The following IL1RAPL2 variants were observed in gnomAD, a reference collection of about 807,000 sequenced individuals.
IL1RAPL2 encodes interleukin 1 receptor accessory protein like 2.
A neutral mutation model predicts 44.1 loss-of-function variants in IL1RAPL2; 3 were observed. The observed-to-expected ratio is 0.07, with a 90% CI of 0.03 to 0.18. IL1RAPL2 has a LOEUF of 0.18. Ranked by LOEUF, IL1RAPL2 falls within the 10% of genes least tolerant of loss-of-function variation. The pLI is 1.00. For synonymous variants in IL1RAPL2, 181 were observed against 178.8 expected (o/e 1.01, Z -0.10); for missense variants, 391 against 496.4 (o/e 0.79, Z 2.02).
chrX:105,368,251 G>C (rs945389358), intron 5 of IL1RAPL2, among the ~76,000 whole-genome samples: 1 of 111,191 alleles, frequency 9.0e-6, no homozygotes, highest in African/African-American at 3.3e-5. Flanking sequence ...CTTGCATCCT[G>C]TCTTGCCATA....
At chrX:105,272,650 T>A (rs957979428) in intron 5 of IL1RAPL2, among the ~76,000 whole-genome samples, 6 of 112,700 alleles carry the variant, frequency 5.3e-5, no homozygotes, top group Admixed American at 1.9e-4. Context: ...GCTGCTAGAT[T>A]ACTATTCAGC....
intron 2 of IL1RAPL2, among the ~76,000 whole-genome samples, chrX:104,712,446 T>C (rs1023440405): frequency 2.7e-5 from 3 of 110,684 alleles, no homozygotes; most frequent in African/African-American, 9.8e-5. Flanking sequence ...TCATTTCTGC[T>C]GCTTGGCATG....
chrX:105,422,014 T>A (rs187936004), intron 5 of IL1RAPL2, among the ~76,000 whole-genome samples: 6 of 112,473 alleles, frequency 5.3e-5, no homozygotes. Flanking sequence ...TTTAAACATA[T>A]TTTTTCTCTC....
chrX:105,204,012 A>T (rs2033739460), intron 3 of IL1RAPL2, among the ~76,000 whole-genome samples: 1 of 112,085 alleles, frequency 8.9e-6, no homozygotes, highest in African/African-American at 3.2e-5. Context: ...CATTGAACTC[A>T]GTTCTCATAC....
intron 5 of IL1RAPL2, among the ~76,000 whole-genome samples, chrX:105,283,291 A>G (rs377311253): frequency 1.8e-5 from 2 of 111,723 alleles, no homozygotes; most frequent in African/African-American, 6.5e-5. Context: ...ATATTGCAAT[A>G]TATCATTATA....
At chrX:105,458,145 C>A (rs906116394) in intron 5 of IL1RAPL2, among the ~76,000 whole-genome samples, 7 of 111,102 alleles carry the variant, frequency 6.3e-5, no homozygotes, top group Non-Finnish European at 1.9e-5. Flanking sequence ...TATCGAATTT[C>A]TTTGCCCATC....
intron 7 of IL1RAPL2, among the ~76,000 whole-genome samples, chrX:105,720,001 G>T (rs1160672160): frequency 9.0e-6 from 1 of 110,918 alleles, no homozygotes; most frequent in Admixed American, 9.6e-5. Flanking sequence ...AGACCTTAAG[G>T]GTCACTTTTC....
intron 2 of IL1RAPL2, among the ~76,000 whole-genome samples, chrX:105,031,730 C>T (rs750502151): frequency 9.0e-6 from 1 of 111,720 alleles, no homozygotes; most frequent in African/African-American, 3.3e-5. Flanking sequence ...CTCTGCCAGG[C>T]TTTGGTATCA....
intron 2 of IL1RAPL2, among the ~76,000 whole-genome samples, chrX:104,864,990 C>T (rs190648803): frequency 9.0e-6 from 1 of 111,329 alleles, no homozygotes; most frequent in African/African-American, 3.3e-5. Context: ...GATGCCTAGA[C>T]TCATCCTGTG....
At chrX:105,570,070 C>T (rs1165258138) in intron 6 of IL1RAPL2, among the ~76,000 whole-genome samples, 3 of 111,226 alleles carry the variant, frequency 2.7e-5, no homozygotes, top group Non-Finnish European at 5.7e-5. Flanking sequence ...TACCCTTCAC[C>T]TGAGCAGTGT....
chrX:104,918,947 A>G lies in IL1RAPL2; in HGVS notation c.82+259952A>G, dbSNP rs978462521. ...CACCTTTACAAAACTTTAGGGATTTAATGAATATGGTTTGAAAAGAACCAA... is the reference window on the plus strand; with the variant it reads ...CACCTTTACAAAACTTTAGGGATTTGATGAATATGGTTTGAAAAGAACCAA... On this transcript the variant is annotated intron_variant, in intron 2 of 10. Coordinates refer to ENST00000372582, the MANE Select transcript of IL1RAPL2 (RefSeq NM_017416.2). 6.3e-5 allele frequency among the ~76,000 whole-genome samples: 7 copies of G among 111,998 alleles called. No individual in the cohort carries two copies. In the East Asian group the frequency reaches 1.4e-3, roughly 22 times the overall value.
intron 1 of IL1RAPL2, among the ~76,000 whole-genome samples, chrX:104,605,938 A>G (rs1929000262): frequency 8.9e-6 from 1 of 112,102 alleles, no homozygotes; most frequent in Non-Finnish European, 1.9e-5. Context: ...CAATCAATAG[A>G]AAAAGAGGGA....
At chrX:104,844,756 T>C (rs1055610686) in intron 2 of IL1RAPL2, among the ~76,000 whole-genome samples, 2 of 111,906 alleles carry the variant, frequency 1.8e-5, no homozygotes, top group African/African-American at 6.5e-5. Context: ...TAAAACTTTT[T>C]CCAAATGAAA....
chrX:104,953,140 G>A (rs1925629944), intron 2 of IL1RAPL2, among the ~76,000 whole-genome samples: 1 of 111,445 alleles, frequency 9.0e-6, no homozygotes, highest in Admixed American at 9.6e-5. Flanking sequence ...TGGCTACCAC[G>A]TTGAAAGGTT....
At chrX:105,157,700 C>T (rs1383522381) in intron 2 of IL1RAPL2, among the ~76,000 whole-genome samples, 1 of 112,000 alleles carries the variant, frequency 8.9e-6, no homozygotes, top group Non-Finnish European at 1.9e-5. Context: ...CTCTGAATTG[C>T]ACCTAATACA....
chrX:104,796,769 T>G (rs1179632301), intron 2 of IL1RAPL2, among the ~76,000 whole-genome samples: 1 of 110,625 alleles, frequency 9.0e-6, no homozygotes, highest in Non-Finnish European at 1.9e-5. Flanking sequence ...CTTTTTTTGT[T>G]TGTTTGTTTG....
chrX:104,909,835 G>GAGGC lies in IL1RAPL2; in HGVS notation c.82+250857_82+250860dup, dbSNP rs748713986. Among the ~76,000 whole-genome samples, 6 of 112,613 alleles carry GAGGC rather than the reference G, an allele frequency of 5.3e-5. No homozygotes were observed. In the South Asian group the frequency reaches 1.1e-3, roughly 21 times the overall value. ...CCTGCCCCTAGAGGTGGAGCCTACA[G>GAGGC]AGGCAGGCAGGCAGGCAGGCCTCCT... On this transcript the variant is annotated intron_variant, in intron 2 of 10. Transcript: ENST00000372582.
rs2036565480 is a variant in IL1RAPL2 at position 105,522,341 on chromosome X, G to A, written c.772+37954G>A. On this transcript the variant is annotated intron_variant, in intron 6 of 10. Transcript: ENST00000372582. Reference sequence around the variant, plus strand: ...ATTTAGTTATCAGAATGAATTTCCTGTATGAGATCTATCATCTAGATGTTG... The same window carrying A: ...ATTTAGTTATCAGAATGAATTTCCTATATGAGATCTATCATCTAGATGTTG... 2.7e-5 allele frequency among the ~76,000 whole-genome samples: 3 copies of A among 112,399 alleles called. No individual in the cohort carries two copies. In the South Asian group the frequency reaches 1.1e-3, roughly 41 times the overall value.
chrX:104,625,557 T>C (rs1382053503), intron 1 of IL1RAPL2, among the ~76,000 whole-genome samples: 2 of 111,956 alleles, frequency 1.8e-5, no homozygotes, highest in Non-Finnish European at 3.8e-5. Flanking sequence ...TTCTCTTCTC[T>C]GCTCTCTTCT....
Sources: allele counts gnomAD v4.1 joint callset (sites outside exome capture counted in the v4.1 genomes callset), GRCh38; gene constraint gnomAD v4.1.1; transcripts MANE v1.5; gene names NCBI Gene and HGNC (gene_info 2026-07-23, HGNC 2026-07-21).